Variants in CCSER1 observed in about 807,000 individuals in gnomAD.
The protein encoded by CCSER1 is serine-rich coiled-coil domain-containing protein 1.
A neutral mutation model predicts 82.0 loss-of-function variants in CCSER1; 41 were observed. That is an observed-to-expected ratio of 0.50 (90% CI 0.39 to 0.65). CCSER1 has a LOEUF of 0.65. Ranked by LOEUF, CCSER1 falls within the 30% of genes least tolerant of loss-of-function variation. The pLI, the probability that CCSER1 is intolerant of heterozygous loss-of-function variation, is 0.00. For synonymous variants in CCSER1, 414 were observed against 383.9 expected (o/e 1.08, Z -0.92); for missense variants, 1,119 against 1,064.2 (o/e 1.05, Z -0.72).
chr4:90,215,783 A>G (rs1740890752), intron 1 of CCSER1, among the ~76,000 whole-genome samples: 1 of 152,188 alleles, frequency 6.6e-6, no homozygotes, highest in South Asian at 2.1e-4. Context: ...AACCTGCCTC[A>G]GATCTAATCT....
chr4:90,466,491 G>C (rs946624248), intron 4 of CCSER1, among the ~76,000 whole-genome samples: 1 of 152,178 alleles, frequency 6.6e-6, no homozygotes, highest in African/African-American at 2.4e-5. Flanking sequence ...TTCACACAGA[G>C]ACATTAGATA....
chr4:90,240,039 A>G (rs1283298258), intron 1 of CCSER1, among the ~76,000 whole-genome samples: 1 of 152,186 alleles, frequency 6.6e-6, no homozygotes, highest in African/African-American at 2.4e-5. Context: ...AGAATGACAA[A>G]CTTGGAAGAG....
At chr4:90,449,471 G>A (rs1320195421) in intron 4 of CCSER1, among the ~76,000 whole-genome samples, 6 of 152,194 alleles carry the variant, frequency 3.9e-5, no homozygotes, top group Non-Finnish European at 7.3e-5. Context: ...CCAGGAGCCT[G>A]TCTTCCTCCT....
At chr4:90,905,358 C>CTACACA (rs71596536) in intron 8 of CCSER1, among the ~76,000 whole-genome samples, 10,402 of 150,396 alleles carry the variant, frequency 0.069, 495 homozygotes, top group East Asian at 0.2. Flanking sequence ...TCTAGTCACA[C>CTACACA]CACACACACA....
At chr4:91,411,045 A>C (rs972440058) in intron 10 of CCSER1, among the ~76,000 whole-genome samples, 6 of 152,072 alleles carry the variant, frequency 3.9e-5, no homozygotes, top group Admixed American at 3.9e-4. Context: ...GAAGATTCAC[A>C]ATATTTATAT....
In CCSER1 at chr4:90,308,351, A is replaced by G; in HGVS notation, c.67A>G (p.Asn23Asp). 1 of 1,612,828 alleles carries G rather than the reference A, an allele frequency of 6.2e-7. No homozygotes were observed. Among genetic ancestry groups the G allele is most frequent in the South Asian group, 1.1e-5 (1 of 90,920 alleles). ...SRLPIFRRSI[N>D]RRHDSLPSSP... ...GTTGCCAATATTCAGAAGAAGTATT[A>G]ACAGAAGACATGATTCTCTTCCTTC... The change falls in exon 2 of 11, where the codon AAC (asparagine) becomes GAC (aspartate). Residue 23 changes from asparagine (N) to aspartate (D), a missense_variant. Coordinates refer to ENST00000509176, the MANE Select transcript of CCSER1 (RefSeq NM_001145065.2).
intron 10 of CCSER1, among the ~76,000 whole-genome samples, chr4:91,105,638 A>AGG (rs1725538487): frequency 6.6e-6 from 1 of 152,086 alleles, no homozygotes; most frequent in African/African-American, 2.4e-5. Flanking sequence ...TGGGAGGAGG[A>AGG]AGTTGCAGTG....
intron 9 of CCSER1, among the ~76,000 whole-genome samples, chr4:91,020,476 C>T (rs973291022): frequency 6.6e-6 from 1 of 152,126 alleles, no homozygotes; most frequent in Non-Finnish European, 1.5e-5. Flanking sequence ...TCCTGGCTAA[C>T]ACAGTGAAAC....
At chr4:91,555,654 AC>A (rs2110236961) in intron 10 of CCSER1, among the ~76,000 whole-genome samples, 1 of 151,416 alleles carries the variant, frequency 6.6e-6, no homozygotes, top group African/African-American at 2.4e-5. Context: ...TGGAACAAGA[AC>A]AAACTTAAAA....
intron 5 of CCSER1, among the ~76,000 whole-genome samples, chr4:90,560,408 G>C (rs1429749285): frequency 6.6e-6 from 1 of 152,100 alleles, no homozygotes; most frequent in Non-Finnish European, 1.5e-5. Flanking sequence ...TCAATACTCA[G>C]TCTGGACTGT....
intron 7 of CCSER1, among the ~76,000 whole-genome samples, chr4:90,811,986 ATAT>A (rs1561180778): frequency 1.4e-5 from 2 of 138,562 alleles, no homozygotes; most frequent in Non-Finnish European, 3.2e-5. Context: ...ATATATATAT[ATAT>A]AAACACATAT....
intron 10 of CCSER1, among the ~76,000 whole-genome samples, chr4:91,595,513 G>A (rs536299657): frequency 4.7e-4 from 72 of 152,190 alleles, no homozygotes; most frequent in African/African-American, 1.5e-3. Context: ...ACATTATATT[G>A]TTACTGTGAT....
intron 10 of CCSER1, among the ~76,000 whole-genome samples, chr4:91,295,243 G>A (rs867253882): frequency 2.0e-5 from 3 of 151,854 alleles, no homozygotes; most frequent in Non-Finnish European, 4.4e-5. Flanking sequence ...TTTGAAAATG[G>A]CAAAATGAAA....
chr4:91,572,833 C>A (rs745998766), intron 10 of CCSER1, among the ~76,000 whole-genome samples: 1 of 151,798 alleles, frequency 6.6e-6, no homozygotes, highest in Non-Finnish European at 1.5e-5. Context: ...AAAGAAGAAG[C>A]CTGTCCATTT....
chr4:91,027,670 A>C (rs921388289), intron 9 of CCSER1, among the ~76,000 whole-genome samples: 1 of 151,970 alleles, frequency 6.6e-6, no homozygotes, highest in Non-Finnish European at 1.5e-5. Context: ...TCCCACTCCA[A>C]ACACAGCATT....
chr4:91,291,309 G>T (rs971094849), intron 10 of CCSER1, among the ~76,000 whole-genome samples: 3 of 151,890 alleles, frequency 2.0e-5, no homozygotes, highest in Non-Finnish European at 1.5e-5. Flanking sequence ...GATTTTGAGG[G>T]TAAATTTAAT....
intron 1 of CCSER1, 136 bp downstream of exon 1, chr4:90,127,967 G>A (rs1722078391): frequency 6.6e-6 from 1 of 151,760 alleles, no homozygotes; most frequent in Admixed American, 6.6e-5. Context: ...TGCGAGCAGC[G>A]CGCGCCCAGG....
chr4:90,913,103 G>A (rs146846935), intron 8 of CCSER1, among the ~76,000 whole-genome samples: 2,379 of 152,226 alleles, frequency 0.016, 57 homozygotes, highest in African/African-American at 0.053. Context: ...ATCTAGCAAG[G>A]CAGGCCAACA....
chr4:90,910,115 A>G (rs745421531), intron 8 of CCSER1, among the ~76,000 whole-genome samples: 41 of 152,094 alleles, frequency 2.7e-4, no homozygotes, highest in Admixed American at 1.2e-3. Context: ...AGAGAGAGAG[A>G]AAGAGAGAGC....
Sources: gnomAD v4.1 joint callset for allele counts (sites outside exome capture counted in the v4.1 genomes callset) on GRCh38, gnomAD v4.1.1 for gene constraint, MANE v1.5 for transcripts, NCBI Gene and HGNC (gene_info 2026-07-23, HGNC 2026-07-21) for gene names.